RARB: variants seen among roughly 807,000 people sequenced by gnomAD.
RARB encodes retinoic acid receptor beta.
RARB carries 17 observed loss-of-function variants against 51.9 expected under a neutral mutation model. That is an observed-to-expected ratio of 0.33 (90% CI 0.22 to 0.49). The LOEUF is 0.49. Among genes scored for constraint, RARB ranks in the 20% least tolerant of loss-of-function variants. The pLI, the probability that RARB is intolerant of heterozygous loss-of-function variation, is 0.99. For missense variants in RARB, 369 were observed against 550.8 expected (o/e 0.67, Z 3.30); for synonymous variants, 215 against 195.4 (o/e 1.10, Z -0.84).
chr3:25,076,752 G>A (rs1258082442), intron 3 of RARB, among the ~76,000 whole-genome samples: 1 of 152,122 alleles, frequency 6.6e-6, no homozygotes, highest in Non-Finnish European at 1.5e-5. Flanking sequence ...ATAAAACCAA[G>A]TGTTTTCAAA....
intron 4 of RARB, among the ~76,000 whole-genome samples, chr3:25,171,643 T>TTAAAAAAAAAA (rs1553639737): frequency 0.014 from 640 of 45,488 alleles, 31 homozygotes; most frequent in African/African-American, 0.027. Flanking sequence ...CCCTGGTTGG[T>TTAAAAAAAAAA]AAAAAAAAAA....
chr3:25,526,983 C>A (rs1698679355), intron 3 of RARB, among the ~76,000 whole-genome samples: 1 of 152,106 alleles, frequency 6.6e-6, no homozygotes, highest in Non-Finnish European at 1.5e-5. Context: ...GGATGAGGGG[C>A]AGGTGTATGT....
chr3:25,243,002 T>C (rs1480536263), intron 5 of RARB, among the ~76,000 whole-genome samples: 2 of 152,148 alleles, frequency 1.3e-5, no homozygotes, highest in African/African-American at 2.4e-5. Context: ...GGTTTGTAGT[T>C]CTCCTTGAAG....
chr3:25,453,699 T>A (rs1395896887), intron 1 of RARB, among the ~76,000 whole-genome samples: 8 of 152,152 alleles, frequency 5.3e-5, no homozygotes, highest in Non-Finnish European at 1.5e-5. Flanking sequence ...GTTTCATATG[T>A]GGTCAGAATA....
At chr3:24,995,502 G>A in intron 2 of RARB, among the ~76,000 whole-genome samples, 1 of 152,038 alleles carries the variant, frequency 6.6e-6, no homozygotes, top group Non-Finnish European at 1.5e-5. Flanking sequence ...TTCCCGTACT[G>A]TGTAGAATAA....
chr3:25,371,714 C>A (rs1706306748), intron 5 of RARB, among the ~76,000 whole-genome samples: 1 of 152,224 alleles, frequency 6.6e-6, no homozygotes, highest in African/African-American at 2.4e-5. Context: ...AGCCAATCAA[C>A]CTTTACTGTA....
At chr3:25,390,331 G>A (rs1299582639) in intron 5 of RARB, among the ~76,000 whole-genome samples, 1 of 152,126 alleles carries the variant, frequency 6.6e-6, no homozygotes, top group Non-Finnish European at 1.5e-5. Flanking sequence ...TTTCTACCAT[G>A]TGAGGACACA....
chr3:25,371,144 C>A lies in RARB; in HGVS notation c.179-90049C>A, dbSNP rs143929915. Among the ~76,000 whole-genome samples the A allele has an allele frequency of 3.3e-5, 5 of 152,294 alleles. No homozygotes were observed. The East Asian group carries it at 9.7e-4, about 29-fold the overall frequency. On this transcript the variant is annotated intron_variant, in intron 5 of 11. Transcript: ENST00000383772. Reference sequence around the variant, plus strand: ...TCTCCCAACATTCATGTGTTGGAAACTTAACCCCTAATGCAACAGTGTTGA... The same window carrying A: ...TCTCCCAACATTCATGTGTTGGAAAATTAACCCCTAATGCAACAGTGTTGA...
At chr3:25,061,836 GA>G (rs1435405540) in intron 3 of RARB, among the ~76,000 whole-genome samples, 1 of 151,462 alleles carries the variant, frequency 6.6e-6, no homozygotes, top group Non-Finnish European at 1.5e-5. Flanking sequence ...ATGAATTTTT[GA>G]AAAAAGAACT....
intron 2 of RARB, among the ~76,000 whole-genome samples, chr3:24,982,521 T>G (rs1320851479): frequency 2.0e-5 from 3 of 152,210 alleles, no homozygotes; most frequent in African/African-American, 7.2e-5. Flanking sequence ...GGAGGCTGTA[T>G]GCTTTCTTAG....
At chr3:25,107,729 T>A (rs987893559) in intron 3 of RARB, among the ~76,000 whole-genome samples, 1 of 152,190 alleles carries the variant, frequency 6.6e-6, no homozygotes, top group Non-Finnish European at 1.5e-5. Flanking sequence ...AAAATGGTAA[T>A]AATATGCTGT....
At chr3:25,537,319 A>G (rs1159912587) in intron 3 of RARB, among the ~76,000 whole-genome samples, 1 of 152,208 alleles carries the variant, frequency 6.6e-6, no homozygotes, top group Non-Finnish European at 1.5e-5. Flanking sequence ...TGTTCTTGTA[A>G]ATTACTTCAA....
chr3:25,060,712 T>C (rs1203919940), intron 3 of RARB, among the ~76,000 whole-genome samples: 5 of 151,878 alleles, frequency 3.3e-5, no homozygotes, highest in African/African-American at 4.8e-5. Context: ...AAGTTTATCA[T>C]GGGAGTAGAT....
intron 2 of RARB, among the ~76,000 whole-genome samples, chr3:24,980,669 CT>C (rs1409129127): frequency 4.7e-5 from 7 of 148,314 alleles, no homozygotes; most frequent in Non-Finnish European, 7.6e-5. Context: ...TTCGTCTAAC[CT>C]TTTTTCATGG....
At chr3:25,038,550 G>A (rs9840442) in intron 2 of RARB, among the ~76,000 whole-genome samples, 32,388 of 152,030 alleles carry the variant, frequency 0.21, 3,542 homozygotes, top group African/African-American at 0.27. Context: ...GCTGAAGGAA[G>A]GTGATGAAGT....
intron 2 of RARB, among the ~76,000 whole-genome samples, chr3:24,997,141 C>A (rs953125141): frequency 1.4e-5 from 1 of 73,548 alleles, no homozygotes; most frequent in Non-Finnish European, 2.6e-5. Flanking sequence ...AGGGCTCCAG[C>A]ATTGGGTGCA....
At chr3:24,954,459 C>A (rs979218814) in intron 2 of RARB, among the ~76,000 whole-genome samples, 3 of 152,174 alleles carry the variant, frequency 2.0e-5, no homozygotes, top group African/African-American at 7.2e-5. Flanking sequence ...AAGTCAAGGT[C>A]TGAGTCCTCT....
At chr3:25,074,261 C>G (rs1698827354) in intron 3 of RARB, among the ~76,000 whole-genome samples, 1 of 152,212 alleles carries the variant, frequency 6.6e-6, no homozygotes, top group African/African-American at 2.4e-5. Context: ...CAACTATTTA[C>G]CAAGTCACAG....
intron 5 of RARB, among the ~76,000 whole-genome samples, chr3:25,249,208 C>G (rs1702643889): frequency 6.6e-6 from 1 of 151,938 alleles, no homozygotes; most frequent in Admixed American, 6.6e-5. Context: ...TCTCCTTGAT[C>G]TAGTCTGTTA....
Sources: allele counts gnomAD v4.1 joint callset (sites outside exome capture counted in the v4.1 genomes callset), GRCh38; gene constraint gnomAD v4.1.1; transcripts MANE v1.5; gene names NCBI Gene and HGNC (gene_info 2026-07-23, HGNC 2026-07-21).